ATG7: variants seen among roughly 807,000 people sequenced by gnomAD.
ATG7 encodes the protein autophagy related 7.
In ATG7, 70 loss-of-function variants were observed where a neutral mutation model predicts 82.4. The ratio of observed to expected loss-of-function variants is 0.85; its 90% CI spans 0.70 to 1.04. The LOEUF is 1.04. Ranked by LOEUF, ATG7 falls within the 50% of genes least tolerant of loss-of-function variation. The pLI is 0.00. For missense variants in ATG7, 792 were observed against 864.3 expected (o/e 0.92, Z 1.05); for synonymous variants, 287 against 313.0 (o/e 0.92, Z 0.88).
intron 19 of ATG7, among the ~76,000 whole-genome samples, chr3:11,386,646 A>G (rs1345915132): frequency 6.6e-6 from 1 of 152,198 alleles, no homozygotes; most frequent in Non-Finnish European, 1.5e-5. Context: ...CTCCTTTCCA[A>G]AAGGGATATA....
At chr3:11,315,723 C>CT (rs1486216899) in intron 9 of ATG7, among the ~76,000 whole-genome samples, 6 of 151,508 alleles carry the variant, frequency 4.0e-5, no homozygotes, top group South Asian at 2.1e-4. Context: ...ATACCTTACT[C>CT]TTTTTTTTTG....
At chr3:11,325,475 C>G (rs982744953) in intron 9 of ATG7, among the ~76,000 whole-genome samples, 1 of 152,088 alleles carries the variant, frequency 6.6e-6, no homozygotes, top group Non-Finnish European at 1.5e-5. Flanking sequence ...AGTTCGTGAC[C>G]AGCCTGACCA....
intron 5 of ATG7, among the ~76,000 whole-genome samples, chr3:11,302,695 G>C (rs889861338): frequency 1.3e-5 from 2 of 152,158 alleles, no homozygotes; most frequent in African/African-American, 4.8e-5. Flanking sequence ...GAATGTGCTA[G>C]GTGCTGGGCA....
At chr3:11,334,863 A>G (rs748551074) in intron 11 of ATG7, among the ~76,000 whole-genome samples, 6 of 150,462 alleles carry the variant, frequency 4.0e-5, no homozygotes, top group Non-Finnish European at 8.9e-5. Context: ...AGGCTGAGGC[A>G]GAAGAATCGC....
At position 11,298,742 on chromosome 3, in the gene ATG7, C is replaced by G; in HGVS notation, c.47C>G (p.Ala16Gly). ...GDPGLSKLQF[A>G]PFSSALDVGF... ...CCTGGACTCTCTAAACTGCAGTTTG[C>G]CCCTTTTAGTAGTGCCTTGGATGTT... The change falls in exon 4 of 21, where the codon GCC (alanine) becomes GGC (glycine). Residue 16 changes from alanine to glycine, a missense_variant. Ala to Gly is a moderately conservative substitution (Grantham distance 60). Transcript: ENST00000693202. 2 of 1,614,120 alleles carry G rather than the reference C, an allele frequency of 1.2e-6. No individual in the cohort carries two copies. Among genetic ancestry groups the G allele is most frequent in the Non-Finnish European group, 1.7e-6 (2 of 1,180,016 alleles).
intron 19 of ATG7, among the ~76,000 whole-genome samples, chr3:11,409,117 T>C (rs2080643683): frequency 1.3e-5 from 2 of 152,346 alleles, no homozygotes; most frequent in South Asian, 4.1e-4. Flanking sequence ...ATCCTTCTGA[T>C]AGTTTCTTTT....
chr3:11,520,744 G>C (rs115973077), intron 20 of ATG7, among the ~76,000 whole-genome samples: 1 of 152,200 alleles, frequency 6.6e-6, no homozygotes, highest in African/African-American at 2.4e-5. Context: ...GCCTTGGCTT[G>C]TCAGTAACTG....
intron 3 of ATG7, chr3:11,290,667 T>C (rs1187078894): frequency 4.4e-6 from 1 of 228,204 alleles, no homozygotes; most frequent in Non-Finnish European, 8.9e-6. Context: ...TATCTGCAAT[T>C]AATATACAAA....
chr3:11,434,725 AAGTCTGGGCAG>A (rs1162047749), intron 20 of ATG7, among the ~76,000 whole-genome samples: 1 of 152,204 alleles, frequency 6.6e-6, no homozygotes, highest in Non-Finnish European at 1.5e-5. Flanking sequence ...ATAGACAATG[AAGTCTGGGCAG>A]AGTTCCCCAC....
At chr3:11,506,492 C>G (rs2091717805) in intron 20 of ATG7, among the ~76,000 whole-genome samples, 1 of 136,028 alleles carries the variant, frequency 7.4e-6, no homozygotes, top group African/African-American at 2.9e-5. Flanking sequence ...CCAAGGTGGG[C>G]AGATCACTTG....
At chr3:11,393,685 G>GT (rs11371718) in intron 19 of ATG7, among the ~76,000 whole-genome samples, 86,159 of 149,680 alleles carry the variant, frequency 0.58, 25,405 homozygotes, top group East Asian at 0.7. Context: ...AGTTTTGTAG[G>GT]TTTTTTTTTT....
intron 9 of ATG7, among the ~76,000 whole-genome samples, chr3:11,320,839 G>C (rs1405827398): frequency 6.6e-6 from 1 of 152,184 alleles, no homozygotes; most frequent in Non-Finnish European, 1.5e-5. Context: ...GTGAGTAGAG[G>C]GTAGCTCTTA....
At chr3:11,373,041 G>A (rs1433765843) in intron 18 of ATG7, among the ~76,000 whole-genome samples, 2 of 151,108 alleles carry the variant, frequency 1.3e-5, no homozygotes, top group Admixed American at 6.6e-5. Flanking sequence ...TGTGTTTATC[G>A]TTTTTATTAC....
chr3:11,430,423 C>G (rs2152950826), intron 20 of ATG7, among the ~76,000 whole-genome samples: 1 of 152,190 alleles, frequency 6.6e-6, no homozygotes, highest in South Asian at 2.1e-4. Context: ...GTAATAAAAA[C>G]ACAGAATTCT....
intron 20 of ATG7, among the ~76,000 whole-genome samples, chr3:11,518,676 G>T (rs967000269): frequency 1.3e-5 from 2 of 152,158 alleles, no homozygotes; most frequent in African/African-American, 4.8e-5. Flanking sequence ...GGGAGTTGCT[G>T]GATTCTAGAA....
At chr3:11,561,385 C>T (rs1378508602), downstream of ATG7, among the ~76,000 whole-genome samples, 1 of 152,204 alleles carries the variant, frequency 6.6e-6, no homozygotes, top group Non-Finnish European at 1.5e-5. Flanking sequence ...TATCAGACCA[C>T]CTTCAGGGCA....
At chr3:11,375,428 G>T (rs1422007869) in intron 18 of ATG7, among the ~76,000 whole-genome samples, 1 of 152,214 alleles carries the variant, frequency 6.6e-6, no homozygotes, top group Non-Finnish European at 1.5e-5. Flanking sequence ...AGTCATTAGA[G>T]AAATGCAAGT....
intron 20 of ATG7, among the ~76,000 whole-genome samples, chr3:11,546,575 C>G (rs2071310385): frequency 2.0e-5 from 3 of 152,168 alleles, no homozygotes; most frequent in Admixed American, 2.0e-4. Context: ...AAAGAAGAAC[C>G]TTAGTTCATG....
At chr3:11,441,001 G>T (rs2152968137) in intron 20 of ATG7, among the ~76,000 whole-genome samples, 1 of 152,064 alleles carries the variant, frequency 6.6e-6, no homozygotes, top group East Asian at 1.9e-4. Context: ...CTTTTATTCA[G>T]CTATCTGGTG....
Sources: allele counts gnomAD v4.1 joint callset (sites outside exome capture counted in the v4.1 genomes callset), GRCh38; gene constraint gnomAD v4.1.1; transcripts MANE v1.5; gene names NCBI Gene and HGNC (gene_info 2026-07-23, HGNC 2026-07-21).